The following APOL4 variants were observed in gnomAD, a reference collection of about 807,000 sequenced individuals.
The protein encoded by APOL4 is apolipoprotein L, 4.
In APOL4, 14 loss-of-function variants were observed where a neutral mutation model predicts 12.1. The ratio of observed to expected loss-of-function variants is 1.16; its 90% CI spans 0.76 to 1.81. APOL4 has a LOEUF of 1.81. APOL4 is among the 40% of genes most tolerant of loss of function. The pLI is 0.00. For synonymous variants in APOL4, 171 were observed against 160.6 expected, an observed-to-expected ratio of 1.06 and a Z score of -0.49; for missense variants, 432 against 423.1, an observed-to-expected ratio of 1.02 and a Z score of -0.18.
At chr22:36,197,958 G>T (rs1735891415) in intron 2 of APOL4, 6 of 1,357,406 alleles carry the variant, frequency 4.4e-6, no homozygotes, top group Non-Finnish European at 5.7e-6. Flanking sequence ...TGCCACAGAA[G>T]TTCCATGCTT....
chr22:36,191,584 C>A lies in APOL4; in HGVS notation c.538G>T (p.Ala180Ser). ...AAGVGLGIAS[A>S]TAGIASSIVE... ...ATGCTGGAGGCGATCCCAGCCGTGG[C>A]AGATGCTATTCCCAGCCCTACCCCA... The change falls in exon 4 of 4, where the codon GCC (alanine) becomes TCC (serine). Residue 180 changes from alanine (A) to serine (S), a missense_variant. Ala to Ser is a moderately conservative substitution (Grantham distance 99). Coordinates refer to ENST00000683024, the MANE Select transcript of APOL4 (RefSeq NM_001386885.1). 1.2e-6 allele frequency: 2 copies of A among 1,613,640 alleles called. No individual in the cohort carries two copies. Among genetic ancestry groups the A allele is most frequent in the African/African-American group, 2.7e-5 (2 of 75,040 alleles).
intron 3 of APOL4, among the ~76,000 whole-genome samples, chr22:36,194,270 G>A (rs982880266): frequency 2.6e-5 from 4 of 152,086 alleles, no homozygotes; most frequent in Non-Finnish European, 5.9e-5. Flanking sequence ...TGGTGTCGGG[G>A]AAACAGTCAC....
At chr22:36,204,600 G>C (rs2014673614), upstream of APOL4, 2 of 424,032 alleles carry the variant, frequency 4.7e-6, no homozygotes, top group African/African-American at 2.1e-5. Context: ...TAAGGAGATG[G>C]AGGGAGGTCA....
upstream of APOL4, among the ~76,000 whole-genome samples, chr22:36,203,692 G>T (rs545603110): frequency 6.6e-5 from 10 of 152,164 alleles, no homozygotes; most frequent in Non-Finnish European, 1.2e-4. Flanking sequence ...GCCTAGAAGA[G>T]CCACGGCAAG....
upstream of APOL4, among the ~76,000 whole-genome samples, chr22:36,203,119 C>T (rs2014633227): frequency 6.6e-6 from 1 of 152,218 alleles, no homozygotes; most frequent in Admixed American, 6.5e-5. Context: ...GCGACCTTCT[C>T]ACTCCCCTGT....
intron 3 of APOL4, chr22:36,195,104 G>C (rs750305445): frequency 1.4e-4 from 78 of 555,398 alleles, no homozygotes; most frequent in Non-Finnish European, 2.1e-4. Context: ...CCCTGCCCTT[G>C]TGGGCTTCTT....
chr22:36,198,502 A>G (rs2014476860), intron 2 of APOL4, among the ~76,000 whole-genome samples: 1 of 152,196 alleles, frequency 6.6e-6, no homozygotes, highest in Non-Finnish European at 1.5e-5. Context: ...GACAAGGGGT[A>G]CTTTCGATGA....
chr22:36,199,192 C>A, intron 2 of APOL4, 138 bp downstream of exon 2: 1 of 1,222,656 alleles, frequency 8.2e-7, no homozygotes, highest in Non-Finnish European at 1.2e-6. Context: ...TTGGGGCAGC[C>A]TCATCAGCCA....
chr22:36,199,862 C>T (rs2014517451), intron 1 of APOL4, among the ~76,000 whole-genome samples: 1 of 151,930 alleles, frequency 6.6e-6, no homozygotes. Flanking sequence ...AGGTGGAGTG[C>T]AGTGGCGCGA....
At chr22:36,195,762 TCTCTCTCTCTCTCTCACA>T (rs1569531219) in intron 2 of APOL4, among the ~76,000 whole-genome samples, 2 of 114,382 alleles carry the variant, frequency 1.7e-5, no homozygotes, top group African/African-American at 5.6e-5. Flanking sequence ...TCTCTCTCTC[TCTCTCTCTCTCTCTCACA>T]CACACACACA....
Position 36,191,175 on chromosome 22 carries a change from GC to G in APOL4, c.946del (p.Ala316GlnfsTer9). On this transcript the variant is annotated frameshift_variant, in exon 4 of 4. Transcript: ENST00000683024. LOFTEE classifies it low-confidence loss of function (END_TRUNC). ...CAGCGACTCAGCAGACTCGGATTTTGCCCCCTTGTGCAAGTCCAGTGAGTCT... is the reference window on the plus strand; with the variant it reads ...CAGCGACTCAGCAGACTCGGATTTTGCCCCTTGTGCAAGTCCAGTGAGTCT... ...VQDSLDLHKG[A>X]KSESAESLRQ... 6.2e-7 allele frequency: 1 copy of G among 1,611,848 alleles called. No individual in the cohort carries two copies. Among genetic ancestry groups the G allele is most frequent in the Non-Finnish European group, 8.5e-7 (1 of 1,178,894 alleles).
rs1264157853 is a variant in APOL4 at position 36,191,861 on chromosome 22, C to G, written c.261G>C (p.Val87=). 1 of 1,612,254 alleles carries G rather than the reference C, an allele frequency of 6.2e-7. No individual in the cohort carries two copies. The highest frequency in any genetic ancestry group is 1.7e-5 in the Admixed American group (1 of 59,986). Residue 87 remains valine, a synonymous_variant, in exon 4 of 4, where the codon GTG becomes GTC. Transcript: ENST00000683024. ...YEALKNLTPY[V]AIEDKDMQQK... ...GCTGCATGTCTTTGTCCTCAATAGC[C>G]ACATATGGTGTAAGATTCTTCAGAG...
At chr22:36,195,207 G>GAGGGCTTGGAGGCCCAGC in intron 3 of APOL4, 104 bp downstream of exon 3, 3 of 1,433,370 alleles carry the variant, frequency 2.1e-6, no homozygotes, top group Non-Finnish European at 2.8e-6. Flanking sequence ...AAGCCCAGCA[G>GAGGGCTTGGAGGCCCAGC]AGGGGGCTGC....
chr22:36,191,429 A>G lies in APOL4; in HGVS notation c.693T>C (p.Leu231=). The change falls in exon 4 of 4, where the codon CTT becomes CTC. Residue 231 remains leucine, a synonymous_variant. Transcript: ENST00000683024. ...TCATTTTTGTGGCTTCGTCAAAATC[A>G]AGTGCAAAAGAAAGCACATTGGGTG... ...DITPNVLSFA[L]DFDEATKMIA... is the part of the protein sequence containing the mutation. The G allele has an allele frequency of 1.2e-6, 2 of 1,614,082 alleles. No individual in the cohort carries two copies. The highest frequency in any genetic ancestry group is 1.7e-6 in the Non-Finnish European group (2 of 1,179,906).
In APOL4 at chr22:36,199,335, A is replaced by AACTGTCCAGCC; in HGVS notation, c.66_76dup (p.Phe26TrpfsTer28). 6.2e-7 allele frequency: 1 copy of AACTGTCCAGCC among 1,614,062 alleles called. No homozygotes were observed. The highest frequency in any genetic ancestry group is 8.5e-7 in the Non-Finnish European group (1 of 1,179,908). On this transcript the variant is annotated frameshift_variant, in exon 2 of 4. Transcript: ENST00000683024. LOFTEE classifies it high-confidence loss of function. ...CAGGTCTCTGAAAGGCTTACCTTGG[A>AACTGTCCAGCC]ACTGTCCAGCCACTGTCCAGCCTGG...
chr22:36,203,925 G>A (rs2014658833), upstream of APOL4, among the ~76,000 whole-genome samples: 2 of 152,188 alleles, frequency 1.3e-5, no homozygotes, highest in Admixed American at 1.3e-4. Context: ...TCTCCCTACA[G>A]TTTCCCATTA....
chr22:36,195,351 C>A lies in APOL4; in HGVS notation c.169G>T (p.Glu57Ter). 1 of 1,613,872 alleles carries A rather than the reference C, an allele frequency of 6.2e-7. No homozygotes were observed. The change falls in exon 3 of 4, where the codon GAA becomes TAA. Residue 57 changes from glutamate (E) to a stop codon, truncating the protein, a stop_gained. Transcript: ENST00000683024. LOFTEE classifies it low-confidence loss of function (END_TRUNC). ...VHLKILLTSD[E>*]AWKRFVRVAE... Reference sequence around the variant, plus strand: ...ACACGCACAAATCTCTTCCAGGCTTCATCGCTAGTCAGCAGGATTTTCAGA... The same window carrying A: ...ACACGCACAAATCTCTTCCAGGCTTAATCGCTAGTCAGCAGGATTTTCAGA...
chr22:36,189,759 G>C lies in APOL4; in HGVS notation c.*1316C>G, dbSNP rs1358564346. The C allele has an allele frequency of 6.6e-6, 1 of 152,520 alleles. No homozygotes were observed. Among genetic ancestry groups the C allele is most frequent in the Non-Finnish European group, 1.5e-5 (1 of 68,130 alleles). 9.4% of individuals were successfully genotyped at this position (152,520 alleles called of 1,614,324 possible). A position where few individuals can be genotyped will look rare whatever the true frequency, so the allele number is the denominator to read the frequency against. On this transcript the variant is annotated 3_prime_UTR_variant, in exon 4 of 4. Coordinates refer to ENST00000683024, the MANE Select transcript of APOL4 (RefSeq NM_001386885.1). ...TTCTTTCCATTCCCCACACTCTCCA[G>C]TCCCCTCTCCTCCCTTATTCCAGGC...
At chr22:36,195,274 C>G (rs1220708284) in intron 3 of APOL4, 37 bp downstream of exon 3, 1 of 1,599,236 alleles carries the variant, frequency 6.3e-7, no homozygotes. Context: ...GGTGGCATCA[C>G]CGGGGTGCCC....
Sources: gnomAD v4.1 joint callset for allele counts (sites outside exome capture counted in the v4.1 genomes callset) on GRCh38, gnomAD v4.1.1 for gene constraint, MANE v1.5 for transcripts, NCBI Gene and HGNC (gene_info 2026-07-23, HGNC 2026-07-21) for gene names.